The following ECT2L variants were observed in gnomAD, a reference collection of about 807,000 sequenced individuals.
ECT2L encodes the protein epithelial cell-transforming sequence 2 oncogene-like.
Under a neutral mutation model 122.8 loss-of-function variants are expected in ECT2L, and 126 were observed. The observed-to-expected ratio is 1.03, with a 90% CI of 0.89 to 1.19. The LOEUF (loss-of-function observed/expected upper bound fraction) is 1.19, where lower values mean the gene tolerates loss of function less well. ECT2L is among the 50% of genes most tolerant of loss of function. The probability of loss-of-function intolerance (pLI) is 0.00; values close to 1 mark genes in which losing one functional copy is unlikely to be tolerated. For missense variants in ECT2L, 1,012 were observed against 1,064.1 expected (o/e 0.95, Z 0.68); for synonymous variants, 385 against 381.8 (o/e 1.01, Z -0.10).
chr6:138,804,278 G>T (rs1463732999), intron 1 of ECT2L, among the ~76,000 whole-genome samples: 1 of 152,052 alleles, frequency 6.6e-6, no homozygotes, highest in African/African-American at 2.4e-5. Context: ...GTGAGAAAGG[G>T]GTCCAATTTC....
intron 21 of ECT2L, among the ~76,000 whole-genome samples, chr6:138,901,672 C>G (rs2698735): frequency 0.35 from 53,184 of 152,084 alleles, 11,205 homozygotes; most frequent in Admixed American, 0.5. Context: ...AAAACGAAAT[C>G]CTACTTAAAC....
rs752085969 is a variant in ECT2L at position 138,849,322 on chromosome 6, C to G, written c.957C>G (p.Ser319Arg). The G allele has an allele frequency of 4.0e-5, 65 of 1,613,944 alleles. No homozygotes were observed. The highest frequency in any genetic ancestry group is 1.6e-4 in the Middle Eastern group (1 of 6,062). Residue 319 changes from serine (S) to arginine (R), a missense_variant, in exon 9 of 22, where the codon AGC becomes AGG. Transcript: ENST00000541398. ...AGVVSVVYEH[S>R]VTLESLLYLI... ...TTGTTTCTGTGGTATATGAACACAG[C>G]GTAACCTTGGAAAGCCTTCTGTATC...
chr6:138,861,376 C>T (rs1388492864), intron 10 of ECT2L, among the ~76,000 whole-genome samples: 1 of 152,212 alleles, frequency 6.6e-6, no homozygotes, highest in East Asian at 1.9e-4. Flanking sequence ...TTCTCCACAG[C>T]CTCGCCAGCA....
chr6:138,845,197 C>T (rs1041849188), intron 7 of ECT2L, among the ~76,000 whole-genome samples: 37 of 151,884 alleles, frequency 2.4e-4, no homozygotes, highest in Non-Finnish European at 4.0e-4. Flanking sequence ...ATAACCATCA[C>T]CATTGTGCAT....
In ECT2L at chr6:138,882,808, C is replaced by G; in HGVS notation, c.1965C>G (p.Ser655Arg). The G allele has an allele frequency of 1.2e-6, 2 of 1,614,134 alleles. No homozygotes were observed. The highest frequency in any genetic ancestry group is 1.7e-6 in the Non-Finnish European group (2 of 1,180,004). Residue 655 changes from serine (S) to arginine (R), a missense_variant, in exon 16 of 22, where the codon AGC becomes AGG. By Grantham distance (110) the Ser-to-Arg change is moderately radical (BLOSUM62 -1). Transcript: ENST00000541398. ...CVGEIVTKFG[S>R]QLNTYTNFFN... Reference sequence around the variant, plus strand: ...GAGAAATAGTCACGAAGTTTGGAAGCCAGTTAAACACATATACCAATTTCT... The same window carrying G: ...GAGAAATAGTCACGAAGTTTGGAAGGCAGTTAAACACATATACCAATTTCT...
chr6:138,883,832 AG>A (rs1347667369), intron 16 of ECT2L, among the ~76,000 whole-genome samples: 2 of 152,210 alleles, frequency 1.3e-5, no homozygotes, highest in African/African-American at 4.8e-5. Context: ...TGTGCACACA[AG>A]TAAGTACTTA....
chr6:138,891,936 T>A (rs1354896408), intron 20 of ECT2L, among the ~76,000 whole-genome samples: 2 of 152,234 alleles, frequency 1.3e-5, no homozygotes, highest in Non-Finnish European at 2.9e-5. Context: ...AGACTTTTTT[T>A]AAAATCCTGT....
chr6:138,833,823 T>TAA (rs10661959), intron 4 of ECT2L, among the ~76,000 whole-genome samples: 44,129 of 149,938 alleles, frequency 0.29, 7,703 homozygotes, highest in African/African-American at 0.48. Flanking sequence ...AATAAATAAT[T>TAA]AAAAAAAAAT....
chr6:138,816,019 G>T (rs775145848), intron 4 of ECT2L, among the ~76,000 whole-genome samples: 1 of 152,196 alleles, frequency 6.6e-6, no homozygotes, highest in African/African-American at 2.4e-5. Flanking sequence ...GTTGAAAGAG[G>T]CTGCAAAGAC....
At chr6:138,847,437 C>T (rs1441187831) in intron 8 of ECT2L, among the ~76,000 whole-genome samples, 1 of 117,530 alleles carries the variant, frequency 8.5e-6, no homozygotes, top group East Asian at 2.9e-4. Flanking sequence ...GTGGCGCAAT[C>T]TCGGCTCACT....
intron 20 of ECT2L, among the ~76,000 whole-genome samples, chr6:138,897,272 A>G (rs1779246917): frequency 1.3e-5 from 2 of 152,318 alleles, no homozygotes; most frequent in African/African-American, 2.4e-5. Flanking sequence ...AATTACAGCC[A>G]TATCTGCAGG....
chr6:138,861,435 G>A (rs1777828183), intron 10 of ECT2L, among the ~76,000 whole-genome samples: 2 of 152,188 alleles, frequency 1.3e-5, no homozygotes, highest in Non-Finnish European at 2.9e-5. Flanking sequence ...ACTGGCGTGA[G>A]ATGGTATCTC....
chr6:138,903,709 G>A lies in ECT2L; in HGVS notation c.*1082G>A, dbSNP rs1202708725. ...CACTCAGAAAAACAGGTGTTGAGTA[G>A]TTTCCTGGGCCTTTAATGCTTTAAA... On this transcript the variant is annotated 3_prime_UTR_variant, in exon 22 of 22. Transcript: ENST00000541398. 1 of 152,162 alleles carries A rather than the reference G, an allele frequency of 6.6e-6. No individual in the cohort carries two copies. Among genetic ancestry groups the A allele is most frequent in the Non-Finnish European group, 1.5e-5 (1 of 68,024 alleles). 9.4% of individuals were successfully genotyped at this position (152,162 alleles called of 1,614,324 possible).
chr6:138,863,790 AT>A (rs1381620356), intron 11 of ECT2L, among the ~76,000 whole-genome samples: 2 of 150,998 alleles, frequency 1.3e-5, no homozygotes, highest in East Asian at 2.0e-4. Flanking sequence ...TAATTTTTGT[AT>A]TTTTAGTAGA....
intron 4 of ECT2L, among the ~76,000 whole-genome samples, chr6:138,828,583 G>A (rs559466576): frequency 1.2e-4 from 19 of 152,116 alleles, no homozygotes; most frequent in South Asian, 4.1e-4. Flanking sequence ...CAATCTTCCC[G>A]TGGGTCCACT....
intron 4 of ECT2L, among the ~76,000 whole-genome samples, chr6:138,831,778 G>C (rs1326281349): frequency 1.3e-5 from 2 of 152,122 alleles, no homozygotes; most frequent in Non-Finnish European, 2.9e-5. Context: ...AAATAATGTT[G>C]ATTTAATAAG....
chr6:138,838,626 A>G, intron 5 of ECT2L, 112 bp downstream of exon 5: 1 of 1,040,692 alleles, frequency 9.6e-7, no homozygotes, highest in Non-Finnish European at 1.3e-6. Flanking sequence ...TACCTGATCC[A>G]TCATTAACTT....
intron 13 of ECT2L, among the ~76,000 whole-genome samples, chr6:138,871,854 C>A (rs1778268082): frequency 6.6e-6 from 1 of 152,022 alleles, no homozygotes; most frequent in Non-Finnish European, 1.5e-5. Context: ...AAAAACCCTA[C>A]CCTTCTGCTG....
intron 20 of ECT2L, among the ~76,000 whole-genome samples, chr6:138,895,939 C>T (rs1399808995): frequency 6.6e-6 from 1 of 152,104 alleles, no homozygotes; most frequent in Non-Finnish European, 1.5e-5. Context: ...TGAAGTCACA[C>T]AGTTATTTTA....
Sources: gnomAD v4.1 joint callset for allele counts (sites outside exome capture counted in the v4.1 genomes callset) on GRCh38, gnomAD v4.1.1 for gene constraint, MANE v1.5 for transcripts, NCBI Gene and HGNC (gene_info 2026-07-23, HGNC 2026-07-21) for gene names.